BCAS4: variants seen among roughly 807,000 people sequenced by gnomAD.
BCAS4 encodes breast carcinoma amplified sequence 4, also known as breast carcinoma-amplified sequence 4.
BCAS4 carries 9 observed loss-of-function variants against 15.7 expected under a neutral mutation model. That is an observed-to-expected ratio of 0.57 (90% CI 0.34 to 1.00). The LOEUF (loss-of-function observed/expected upper bound fraction) is 1.00. BCAS4 is among the 50% of genes least tolerant of loss of function. The pLI, the probability that BCAS4 is intolerant of heterozygous loss-of-function variation, is 0.02. For synonymous variants in BCAS4, 101 were observed against 99.5 expected (o/e 1.02, Z -0.09); for missense variants, 225 against 239.1 (o/e 0.94, Z 0.39).
rs1231222139 is a variant in BCAS4 at position 50,822,636 on chromosome 20, G to GT, written c.162+4370dup. ...AAAACAGCTTGGCAGTTTCTTACAG[G>GT]TTTTTTTTTTTTTTTTGGAGACACA... On this transcript the variant is annotated intron_variant, in intron 2 of 4. Transcript: ENST00000371608. Among the ~76,000 whole-genome samples the GT allele has an allele frequency of 9.1e-3, 1,278 of 140,358 alleles. 16 individuals are homozygous for GT. Among genetic ancestry groups the GT allele is most frequent in the South Asian group, 0.024 (106 of 4,380 alleles). 92.1% of individuals were successfully genotyped at this position (140,358 alleles called of 152,430 possible). A position where few individuals can be genotyped will look rare whatever the true frequency, so the allele number is the denominator to read the frequency against.
chr20:50,871,636 C>T (rs1979649900), intron 4 of BCAS4, among the ~76,000 whole-genome samples: 1 of 152,234 alleles, frequency 6.6e-6, no homozygotes, highest in Non-Finnish European at 1.5e-5. Flanking sequence ...AAATAGGGTT[C>T]ACGCGCTCCA....
chr20:50,810,617 G>A (rs913017346), intron 1 of BCAS4, among the ~76,000 whole-genome samples: 2 of 145,380 alleles, frequency 1.4e-5, no homozygotes, highest in East Asian at 2.0e-4. Context: ...AGACGGAGTC[G>A]TCTCGCTCTG....
At position 50,876,912 on chromosome 20, in the gene BCAS4, C is replaced by A; in HGVS notation, c.*304C>A. 1 of 215,352 alleles carries A rather than the reference C, an allele frequency of 4.6e-6. No individual in the cohort carries two copies. Among genetic ancestry groups the A allele is most frequent in the Non-Finnish European group, 9.2e-6 (1 of 108,788 alleles). The allele number at this position is 215,352 out of a possible 1,614,324, so 13.3% of individuals were successfully genotyped here. ...AGGGTTTGGAGAAGCAGTTGGAACC[C>A]ACGTGTGGTGATGCCTCCCACATCG... is the stretch of plus-strand genomic sequence containing the variant. On this transcript the variant is annotated 3_prime_UTR_variant, in exon 5 of 5. Transcript: ENST00000371608.
intron 1 of BCAS4, among the ~76,000 whole-genome samples, chr20:50,815,831 G>A (rs1412286472): frequency 6.6e-6 from 1 of 152,140 alleles, no homozygotes; most frequent in Non-Finnish European, 1.5e-5. Flanking sequence ...CAGGTGCAGG[G>A]GGCAGGGACT....
intron 1 of BCAS4, among the ~76,000 whole-genome samples, chr20:50,796,676 A>G (rs2087869063): frequency 6.7e-6 from 1 of 148,990 alleles, no homozygotes; most frequent in Admixed American, 6.7e-5. Context: ...TGTATTTTTC[A>G]GTAGAGACGG....
intron 4 of BCAS4, among the ~76,000 whole-genome samples, chr20:50,847,126 A>G (rs536275603): frequency 2.7e-4 from 41 of 151,630 alleles, no homozygotes; most frequent in Admixed American, 1.8e-3. Flanking sequence ...AGCGTCGGCC[A>G]CCTGAAAAGC....
intron 3 of BCAS4, among the ~76,000 whole-genome samples, chr20:50,837,337 C>T (rs2088421884): frequency 6.6e-6 from 1 of 152,068 alleles, no homozygotes; most frequent in Non-Finnish European, 1.5e-5. Flanking sequence ...CCTGTAATCC[C>T]AGCATTTGGG....
chr20:50,819,788 GTCTT>G (rs2088191097), intron 2 of BCAS4, among the ~76,000 whole-genome samples: 1 of 118,252 alleles, frequency 8.5e-6, no homozygotes, highest in Non-Finnish European at 1.9e-5. Context: ...TTCTGTCTTT[GTCTT>G]TCTGTCTTTC....
At chr20:50,795,060 C>T (rs1162711046), upstream of BCAS4, 13 of 1,483,656 alleles carry the variant, frequency 8.8e-6, no homozygotes, top group Non-Finnish European at 1.1e-5. Flanking sequence ...CAGCCTCCGC[C>T]AGCCGGACCC....
chr20:50,835,689 T>A (rs1023809102), intron 3 of BCAS4, among the ~76,000 whole-genome samples: 1 of 152,098 alleles, frequency 6.6e-6, no homozygotes, highest in Non-Finnish European at 1.5e-5. Flanking sequence ...GTCACCACCG[T>A]GGGGCGTGAA....
chr20:50,871,619 T>C (rs1399746029), intron 4 of BCAS4, among the ~76,000 whole-genome samples: 1 of 152,224 alleles, frequency 6.6e-6, no homozygotes, highest in African/African-American at 2.4e-5. Context: ...AACTCCAGCC[T>C]TCAGCAAAAT....
Position 50,876,506 on chromosome 20 carries a change from C to T in BCAS4, c.420C>T (p.Pro140=), listed in dbSNP as rs773955834. The change falls in exon 5 of 5, where the codon CCC becomes CCT. Residue 140 remains proline (P), a synonymous_variant. Transcript: ENST00000371608. The part of the protein sequence containing the change: ...SFRNKSPAPV[P]VTYELPTLYR... Reference sequence around the variant, plus strand: ...TCCAGAAGTCACCTGCACCGGTGCCCGTGACGTACGAGCTGCCCACACTGT... The same window carrying T: ...TCCAGAAGTCACCTGCACCGGTGCCTGTGACGTACGAGCTGCCCACACTGT... 2.2e-5 allele frequency: 36 copies of T among 1,613,720 alleles called. No homozygotes were observed. The highest frequency in any genetic ancestry group is 4.0e-5 in the African/African-American group (3 of 74,948).
intron 3 of BCAS4, among the ~76,000 whole-genome samples, chr20:50,834,144 C>T (rs1457926198): frequency 6.6e-6 from 1 of 152,090 alleles, no homozygotes; most frequent in Admixed American, 6.6e-5. Flanking sequence ...TGACAGGACC[C>T]ATCAGAGGGA....
At chr20:50,876,385 A>C (rs1979941768) in intron 4 of BCAS4, 101 bp from the exon 5 acceptor site, 1 of 1,486,498 alleles carries the variant, frequency 6.7e-7, no homozygotes, top group Admixed American at 1.9e-5. Context: ...CTTTGGTCAT[A>C]TGTGTGAGTC....
At chr20:50,814,774 T>C (rs1183787346) in intron 1 of BCAS4, among the ~76,000 whole-genome samples, 1 of 152,176 alleles carries the variant, frequency 6.6e-6, no homozygotes, top group Non-Finnish European at 1.5e-5. Flanking sequence ...GTAAATGAGG[T>C]AATTCAAATA....
chr20:50,875,337 C>T (rs1979868413), intron 4 of BCAS4, among the ~76,000 whole-genome samples: 1 of 152,226 alleles, frequency 6.6e-6, no homozygotes, highest in Admixed American at 6.5e-5. Flanking sequence ...GAAATCTCCC[C>T]TTCTCCGCCT....
At chr20:50,852,677 C>T (rs57788246) in intron 4 of BCAS4, among the ~76,000 whole-genome samples, 10,963 of 152,264 alleles carry the variant, frequency 0.072, 648 homozygotes, top group East Asian at 0.25. Context: ...CCACTGCACC[C>T]GGCCGAGGCC....
At chr20:50,863,669 ACT>A (rs1979209873) in intron 4 of BCAS4, among the ~76,000 whole-genome samples, 2 of 152,024 alleles carry the variant, frequency 1.3e-5, no homozygotes, top group Admixed American at 1.3e-4. Context: ...GAAATGTATG[ACT>A]CTGATGTGAC....
At chr20:50,806,364 T>G (rs1248797368) in intron 1 of BCAS4, among the ~76,000 whole-genome samples, 1 of 152,156 alleles carries the variant, frequency 6.6e-6, no homozygotes. Context: ...TCCCCTTCCC[T>G]TCTCTCTCTT....
Sources: gnomAD v4.1 joint callset for allele counts (sites outside exome capture counted in the v4.1 genomes callset) on GRCh38, gnomAD v4.1.1 for gene constraint, MANE v1.5 for transcripts, NCBI Gene and HGNC (gene_info 2026-07-23, HGNC 2026-07-21) for gene names.